Variants in ADAP1 observed in about 807,000 individuals in gnomAD.
The protein encoded by ADAP1 is arf-GAP with dual PH domain-containing protein 1.
ADAP1 carries 31 observed loss-of-function variants against 54.9 expected under a neutral mutation model. The ratio of observed to expected loss-of-function variants is 0.56; its 90% CI spans 0.42 to 0.76. The LOEUF is 0.76. Ranked by LOEUF, ADAP1 falls within the 30% of genes least tolerant of loss-of-function variation. The probability of loss-of-function intolerance (pLI) is 0.00; values close to 1 mark genes in which losing one functional copy is unlikely to be tolerated. For missense variants in ADAP1, 535 were observed against 512.4 expected (o/e 1.04, Z -0.42); for synonymous variants, 313 against 202.6 (o/e 1.55, Z -4.63).
intron 1 of ADAP1, among the ~76,000 whole-genome samples, chr7:944,950 G>C (rs1227018388): frequency 6.6e-6 from 1 of 152,172 alleles, no homozygotes; most frequent in African/African-American, 2.4e-5. Flanking sequence ...AAGGCCTCTG[G>C]TCTCTGGGAG....
At chr7:906,797 A>AGGGGACCTGG (rs1845471710) in intron 4 of ADAP1, among the ~76,000 whole-genome samples, 1 of 37,334 alleles carries the variant, frequency 2.7e-5, no homozygotes, top group Admixed American at 2.4e-4. Context: ...GGGACGGGAC[A>AGGGGACCTGG]GGGGACATGG....
rs548239014 is a variant in ADAP1, at chr7:945,259, G to A, written c.82+9137C>T. On this transcript the variant is annotated intron_variant, in intron 1 of 10. Coordinates refer to ENST00000265846, the MANE Select transcript of ADAP1 (RefSeq NM_006869.4). The surrounding 1 kb of genome is among the most constrained non-coding windows in gnomAD (Gnocchi z 4.2). The stretch of plus-strand genomic sequence containing the variant: ...CATCCGCAAATGCCCGCAGCCCATC[G>A]GAGCGAAAAGGGGCGGGGCACGCAC... 1.0e-3 allele frequency among the ~76,000 whole-genome samples: 157 copies of A among 152,334 alleles called. No individual in the cohort carries two copies. Among genetic ancestry groups the A allele is most frequent in the African/African-American group, 3.5e-3 (145 of 41,580 alleles).
At chr7:903,826 G>A in intron 6 of ADAP1, 1 of 317,446 alleles carries the variant, frequency 3.2e-6, no homozygotes, top group Non-Finnish European at 6.0e-6. Flanking sequence ...AGCCCCCACT[G>A]ACAGGGCCAA....
At chr7:916,617 T>C (rs546095155) in intron 4 of ADAP1, among the ~76,000 whole-genome samples, 14 of 152,244 alleles carry the variant, frequency 9.2e-5, no homozygotes, top group Admixed American at 3.9e-4. Flanking sequence ...CAGGTCCAGG[T>C]GCCCGCGTGT....
chr7:907,216 G>A (rs148515959), intron 4 of ADAP1, among the ~76,000 whole-genome samples: 8 of 152,286 alleles, frequency 5.3e-5, no homozygotes, highest in South Asian at 2.1e-4. Flanking sequence ...ATCCCCCTGG[G>A]AGCCTAAGCA....
At chr7:903,562 T>C (rs1441067912) in intron 6 of ADAP1, among the ~76,000 whole-genome samples, 4 of 152,160 alleles carry the variant, frequency 2.6e-5, no homozygotes, top group African/African-American at 9.7e-5. Flanking sequence ...GGCCCACCGC[T>C]GCGCCCCCTG....
chr7:952,515 T>C (rs951450562), intron 1 of ADAP1, among the ~76,000 whole-genome samples: 1 of 152,084 alleles, frequency 6.6e-6, no homozygotes, highest in African/African-American at 2.4e-5. Flanking sequence ...CAAAGAAGCA[T>C]AGAGCCCTCG....
At position 937,789 on chromosome 7, in the gene ADAP1, G is replaced by T. The variant is rs112287323; in HGVS notation, c.83-2284C>A. Among the ~76,000 whole-genome samples the T allele has an allele frequency of 2.3e-3, 349 of 151,066 alleles. 3 individuals are homozygous for T. Among genetic ancestry groups the T allele is most frequent in the African/African-American group, 8.4e-3 (341 of 40,828 alleles). ...CACGCTGCACATCTGGGATTTGGGG[G>T]TCATGCCCGGCCTCTGGGATTTGGG... On this transcript the variant is annotated intron_variant, in intron 1 of 10. Transcript: ENST00000265846.
intron 1 of ADAP1, among the ~76,000 whole-genome samples, chr7:940,977 A>C (rs1453705432): frequency 2.0e-5 from 3 of 152,184 alleles, no homozygotes; most frequent in Non-Finnish European, 4.4e-5. Flanking sequence ...TTTGATATAG[A>C]GGATTCAACA....
intron 3 of ADAP1, chr7:923,410 G>A (rs1471206731): frequency 6.6e-6 from 1 of 151,820 alleles, no homozygotes; most frequent in African/African-American, 2.4e-5. Context: ...AAGCAGGGAG[G>A]GGCCGGTTTC....
chr7:906,670 GACAT>G (rs1845407631), intron 4 of ADAP1, among the ~76,000 whole-genome samples: 1 of 105,526 alleles, frequency 9.5e-6, no homozygotes, highest in South Asian at 3.3e-4. Flanking sequence ...CGGGAAAGGG[GACAT>G]GGACAGGGGA....
At chr7:935,200 C>T (rs1284538251) in intron 2 of ADAP1, 175 bp downstream of exon 2, 1 of 908,630 alleles carries the variant, frequency 1.1e-6, no homozygotes, top group East Asian at 2.7e-5. Context: ...GGAGCAGCCA[C>T]ACAGGCGGAG....
chr7:940,460 T>G (rs953853970), intron 1 of ADAP1, among the ~76,000 whole-genome samples: 1 of 152,104 alleles, frequency 6.6e-6, no homozygotes, highest in Non-Finnish European at 1.5e-5. Context: ...AACACAAGGT[T>G]GTCACTGGTA....
Position 899,090 on chromosome 7 carries a change from A to G in ADAP1, c.1039T>C (p.Trp347Arg). Residue 347 changes from tryptophan to arginine, a missense_variant, in exon 10 of 11, where the codon TGG becomes CGG. Physicochemically the swap from Trp to Arg is moderately radical, Grantham distance 101. Transcript: ENST00000265846. ...ACCGCCTTCTGGAAGGCCGCCACCC[A>G]CTCCCTCTGGTCGGACTCCGTCTCG... ...ACETESDQRE[W>R]VAAFQKAVDR... The G allele has an allele frequency of 6.2e-7, 1 of 1,607,844 alleles. No homozygotes were observed. The highest frequency in any genetic ancestry group is 8.5e-7 in the Non-Finnish European group (1 of 1,179,862).
intron 1 of ADAP1, among the ~76,000 whole-genome samples, chr7:953,950 G>A (rs1344425560): frequency 6.6e-6 from 1 of 152,184 alleles, no homozygotes; most frequent in East Asian, 1.9e-4. Context: ...AAGGGCGTGA[G>A]GCATGACGTC....
At chr7:906,800 G>GGT (rs1216687946) in intron 4 of ADAP1, among the ~76,000 whole-genome samples, 8 of 78,016 alleles carry the variant, frequency 1.0e-4, no homozygotes, top group South Asian at 3.4e-4. Context: ...ACGGGACAGG[G>GGT]GACATGGGGG....
chr7:913,789 G>T (rs932051283), intron 4 of ADAP1, among the ~76,000 whole-genome samples: 6 of 152,054 alleles, frequency 3.9e-5, no homozygotes, highest in Non-Finnish European at 7.4e-5. Flanking sequence ...ATAAAAATTA[G>T]CCGGGCGTGG....
rs1015768951 is a variant in ADAP1 at position 920,575 on chromosome 7, C to T, written c.306-525G>A. On this transcript the variant is annotated intron_variant, in intron 3 of 10. Coordinates refer to ENST00000265846, the MANE Select transcript of ADAP1 (RefSeq NM_006869.4). The surrounding 1 kb of genome is among the most constrained non-coding windows in gnomAD (Gnocchi z 4.5). ...CTCCACGTGGTTCTGAGACACAGGA[C>T]GGAGCTATCAGGGCACCCGTCGAGG... is the stretch of plus-strand genomic sequence containing the variant. Among the ~76,000 whole-genome samples, 3 of 152,246 alleles carry T rather than the reference C, an allele frequency of 2.0e-5. No individual in the cohort carries two copies. The highest frequency in any genetic ancestry group is 2.9e-5 in the Non-Finnish European group (2 of 68,004).
At chr7:925,691 C>T (rs546192878) in intron 3 of ADAP1, among the ~76,000 whole-genome samples, 3 of 152,386 alleles carry the variant, frequency 2.0e-5, no homozygotes, top group Admixed American at 6.5e-5. Context: ...GAGCCAGCAA[C>T]GGCACGTGGG....
Sources: gnomAD v4.1 joint callset for allele counts (sites outside exome capture counted in the v4.1 genomes callset) on GRCh38, gnomAD v4.1.1 for gene constraint, Gnocchi (gnomAD v3.1) non-coding constraint, MANE v1.5 for transcripts, NCBI Gene and HGNC (gene_info 2026-07-23, HGNC 2026-07-21) for gene names.